The following SH3PXD2A variants were observed in gnomAD, a reference collection of about 807,000 sequenced individuals.
The protein encoded by SH3PXD2A is SH3 and PX domains 2A.
SH3PXD2A carries 32 observed loss-of-function variants against 115.2 expected under a neutral mutation model. The ratio of observed to expected loss-of-function variants is 0.28; its 90% CI spans 0.21 to 0.37. The LOEUF is 0.37. Ranked by LOEUF, SH3PXD2A falls within the 10% of genes least tolerant of loss-of-function variation. SH3PXD2A has a pLI of 1.00. For synonymous variants in SH3PXD2A, 610 were observed against 629.1 expected, an observed-to-expected ratio of 0.97 and a Z score of 0.45; for missense variants, 1,328 against 1,498.7, an observed-to-expected ratio of 0.89 and a Z score of 1.88.
At chr10:103,829,693 A>C (rs2134301871) in intron 1 of SH3PXD2A, among the ~76,000 whole-genome samples, 1 of 152,384 alleles carries the variant, frequency 6.6e-6, no homozygotes, top group East Asian at 1.9e-4. Flanking sequence ...TAACATGCGC[A>C]TAACATAGGA....
At chr10:103,669,949 A>G (rs1489170740) in intron 6 of SH3PXD2A, among the ~76,000 whole-genome samples, 1 of 152,236 alleles carries the variant, frequency 6.6e-6, no homozygotes, top group African/African-American at 2.4e-5. Context: ...GAGTACTATT[A>G]TCCCCTCCAT....
chr10:103,741,301 T>C (rs1362071518), intron 3 of SH3PXD2A, among the ~76,000 whole-genome samples: 1 of 152,236 alleles, frequency 6.6e-6, no homozygotes, highest in African/African-American at 2.4e-5. Context: ...TTATTCTAAG[T>C]GCCCTTGGGC....
intron 2 of SH3PXD2A, among the ~76,000 whole-genome samples, chr10:103,777,960 C>CGT (rs2038896213): frequency 6.6e-6 from 1 of 152,192 alleles, no homozygotes; most frequent in Non-Finnish European, 1.5e-5. Context: ...TCCCACATAA[C>CGT]TTCTCTGAGC....
chr10:103,779,810 G>A (rs1026592651), intron 2 of SH3PXD2A, among the ~76,000 whole-genome samples: 18 of 152,126 alleles, frequency 1.2e-4, no homozygotes, highest in African/African-American at 3.6e-4. Flanking sequence ...GTTTCCTCCT[G>A]GGGGTCTCTA....
intron 8 of SH3PXD2A, among the ~76,000 whole-genome samples, chr10:103,635,675 G>A (rs2036853605): frequency 2.0e-5 from 3 of 152,204 alleles, no homozygotes; most frequent in African/African-American, 4.8e-5. Flanking sequence ...CCCCTAGACC[G>A]GAGAAGTTGT....
intron 3 of SH3PXD2A, among the ~76,000 whole-genome samples, chr10:103,745,273 GCCTGAAA>G (rs1454375095): frequency 6.6e-6 from 1 of 152,220 alleles, no homozygotes; most frequent in African/African-American, 2.4e-5. Context: ...ATCCAGCTAT[GCCTGAAA>G]CCATTACTCT....
At chr10:103,832,306 C>T (rs2039489704) in intron 1 of SH3PXD2A, among the ~76,000 whole-genome samples, 1 of 149,848 alleles carries the variant, frequency 6.7e-6, no homozygotes, top group East Asian at 2.0e-4. Context: ...TTCTCATGTG[C>T]ACTTGGGAGA....
intron 2 of SH3PXD2A, among the ~76,000 whole-genome samples, chr10:103,771,243 A>AT (rs886334598): frequency 1.2e-4 from 19 of 152,234 alleles, no homozygotes; most frequent in African/African-American, 1.9e-4. Context: ...AAAACTTGAC[A>AT]TTTTTTCCCC....
At chr10:103,701,763 C>CCATCCATCATT (rs1336516759) in intron 5 of SH3PXD2A, among the ~76,000 whole-genome samples, 3 of 144,978 alleles carry the variant, frequency 2.1e-5, no homozygotes, top group Admixed American at 6.9e-5. Context: ...CATCATCCAT[C>CCATCCATCATT]CAGCCATCCA....
At chr10:103,633,980 G>A (rs2036827330) in intron 8 of SH3PXD2A, among the ~76,000 whole-genome samples, 1 of 152,194 alleles carries the variant, frequency 6.6e-6, no homozygotes, top group Non-Finnish European at 1.5e-5. Context: ...AGACCATCAT[G>A]CTGCCCTGCC....
intron 1 of SH3PXD2A, among the ~76,000 whole-genome samples, chr10:103,841,863 G>A (rs1294416022): frequency 2.0e-5 from 3 of 152,104 alleles, no homozygotes; most frequent in Non-Finnish European, 4.4e-5. Flanking sequence ...AGTGGCTCAC[G>A]CCTGTAATCC....
At chr10:103,710,340 A>C (rs2038032975) in intron 5 of SH3PXD2A, among the ~76,000 whole-genome samples, 1 of 152,300 alleles carries the variant, frequency 6.6e-6, no homozygotes, top group Non-Finnish European at 1.5e-5. Context: ...GCACCATTGC[A>C]CTCCAACCTG....
At chr10:103,776,224 A>G (rs973065080) in intron 2 of SH3PXD2A, among the ~76,000 whole-genome samples, 9 of 152,112 alleles carry the variant, frequency 5.9e-5, no homozygotes, top group African/African-American at 2.2e-4. Context: ...CCACCTCTAC[A>G]GAATATATAG....
chr10:103,767,018 A>C, intron 3 of SH3PXD2A, 76 bp downstream of exon 3: 9 of 1,057,398 alleles, frequency 8.5e-6, no homozygotes, highest in Non-Finnish European at 1.3e-5. Flanking sequence ...GCTGCTTAGT[A>C]CTCTTCTCGG....
At chr10:103,617,600 T>A (rs979735561) in intron 10 of SH3PXD2A, among the ~76,000 whole-genome samples, 1 of 152,202 alleles carries the variant, frequency 6.6e-6, no homozygotes, top group Non-Finnish European at 1.5e-5. Flanking sequence ...CCCAGCCTGA[T>A]AATGGCGGCC....
chr10:103,699,075 G>A (rs921334254), intron 5 of SH3PXD2A, among the ~76,000 whole-genome samples: 6 of 152,142 alleles, frequency 3.9e-5, no homozygotes, highest in African/African-American at 1.2e-4. Flanking sequence ...ATCCTGGCTG[G>A]AGGAAAATTT....
In SH3PXD2A at chr10:103,603,128, T is replaced by C. The variant is rs1592255867; in HGVS notation, c.2090A>G (p.Asn697Ser). ...GGAAGAGGAGGAGCAGCAAGTGGTGTTGATGGTGATGGATGAGGAAAAGGA... is the reference window on the plus strand; with the variant it reads ...GGAAGAGGAGGAGCAGCAAGTGGTGCTGATGGTGATGGATGAGGAAAAGGA... Reference protein sequence around the residue: ...SASFSSSITINTTCCSSSSSS... With the variant: ...SASFSSSITISTTCCSSSSSS... Residue 697 changes from asparagine to serine, a missense_variant, in exon 15 of 15, where the codon AAC (asparagine) becomes AGC (serine). Physicochemically the swap from Asn to Ser is conservative, Grantham distance 46. This residue lies in a region of SH3PXD2A where 574 missense variants were observed against 565.7 expected (regional missense o/e 1.01). Coordinates refer to ENST00000369774, the MANE Select transcript of SH3PXD2A (RefSeq NM_001394015.1). The C allele has an allele frequency of 1.2e-6, 2 of 1,613,236 alleles. No individual in the cohort carries two copies. The highest frequency in any genetic ancestry group is 4.5e-5 in the East Asian group (2 of 44,876).
At chr10:103,802,687 G>A (rs2039158875) in intron 1 of SH3PXD2A, among the ~76,000 whole-genome samples, 1 of 152,224 alleles carries the variant, frequency 6.6e-6, no homozygotes, top group Non-Finnish European at 1.5e-5. Flanking sequence ...GGACAGTTAA[G>A]GGAGGGCACT....
chr10:103,613,219 T>C (rs1251647115), intron 11 of SH3PXD2A, 29 bp from the exon 12 acceptor site: 2 of 1,531,684 alleles, frequency 1.3e-6, no homozygotes, highest in Non-Finnish European at 1.8e-6. Flanking sequence ...TGTGCTATCA[T>C]TAGAGCACTC....
Sources: gnomAD v4.1 joint callset for allele counts (sites outside exome capture counted in the v4.1 genomes callset) on GRCh38, gnomAD v4.1.1 for gene constraint, gnomAD v4.1.1 regional missense constraint, MANE v1.5 for transcripts, NCBI Gene and HGNC (gene_info 2026-07-23, HGNC 2026-07-21) for gene names.